Variants in PSD3 observed in about 807,000 individuals in gnomAD.
PSD3 encodes pleckstrin and Sec7 domain containing 3.
In PSD3, 49 loss-of-function variants were observed where a neutral mutation model predicts 105.5. That is an observed-to-expected ratio of 0.46 (90% CI 0.37 to 0.59). The LOEUF is 0.59. Ranked by LOEUF, PSD3 falls within the 20% of genes least tolerant of loss-of-function variation. PSD3 has a pLI of 0.00. For missense variants in PSD3, 1,561 were observed against 1,263.8 expected, an observed-to-expected ratio of 1.24 and a Z score of -3.57; for synonymous variants, 557 against 457.8, an observed-to-expected ratio of 1.22 and a Z score of -2.77.
intron 1 of PSD3, among the ~76,000 whole-genome samples, chr8:18,967,433 C>T (rs554307524): frequency 1.3e-5 from 2 of 152,046 alleles, no homozygotes; most frequent in South Asian, 4.2e-4. Context: ...CGTGAGCCAC[C>T]GCGCCTGGCC....
intron 1 of PSD3, among the ~76,000 whole-genome samples, chr8:18,960,152 C>T (rs867291524): frequency 3.5e-4 from 54 of 152,136 alleles, no homozygotes; most frequent in Admixed American, 7.9e-4. Context: ...CAAGAAAAAC[C>T]GAGTCCCTGT....
chr8:18,953,547 A>G (rs11984816), intron 1 of PSD3, among the ~76,000 whole-genome samples: 111,927 of 151,986 alleles, frequency 0.74, 41,331 homozygotes, highest in Middle Eastern at 0.79. Flanking sequence ...TCAGGAGTTC[A>G]AGACCAGCCT....
intron 1 of PSD3, among the ~76,000 whole-genome samples, chr8:19,054,700 T>G (rs1828649640): frequency 6.6e-6 from 1 of 152,178 alleles, no homozygotes; most frequent in Non-Finnish European, 1.5e-5. Context: ...GTAAAACTAT[T>G]TTGTAAAACT....
chr8:18,642,086 A>T (rs17126961), intron 10 of PSD3, among the ~76,000 whole-genome samples: 16,451 of 152,198 alleles, frequency 0.11, 1,012 homozygotes, highest in African/African-American at 0.18. Context: ...ATGCTGCCAG[A>T]TATGAGAAAG....
At chr8:19,021,193 G>A (rs772627473) in intron 1 of PSD3, among the ~76,000 whole-genome samples, 14 of 152,138 alleles carry the variant, frequency 9.2e-5, no homozygotes, top group Non-Finnish European at 1.8e-4. Flanking sequence ...ACAAAAGAAT[G>A]TTCTTTAATG....
chr8:18,875,029 C>T (rs1224610095), intron 2 of PSD3, among the ~76,000 whole-genome samples: 1 of 152,204 alleles, frequency 6.6e-6, no homozygotes, highest in East Asian at 1.9e-4. Context: ...GATCCTCTCA[C>T]TCCAGCCTCT....
intron 9 of PSD3, among the ~76,000 whole-genome samples, chr8:18,706,857 T>C (rs1287995369): frequency 1.3e-5 from 2 of 152,208 alleles, no homozygotes; most frequent in Non-Finnish European, 2.9e-5. Context: ...AGTTACCTAT[T>C]AGGAAAGAAT....
chr8:18,731,589 G>A (rs1466172318), intron 9 of PSD3, among the ~76,000 whole-genome samples: 1 of 152,144 alleles, frequency 6.6e-6, no homozygotes, highest in African/African-American at 2.4e-5. Flanking sequence ...AATCTTTTAA[G>A]TACAAAAAAC....
intron 8 of PSD3, among the ~76,000 whole-genome samples, chr8:18,773,290 G>C (rs1170378055): frequency 6.6e-6 from 1 of 152,086 alleles, no homozygotes; most frequent in Non-Finnish European, 1.5e-5. Flanking sequence ...CCAATGAGTG[G>C]TCTTAGCACT....
intron 1 of PSD3, among the ~76,000 whole-genome samples, chr8:18,992,464 C>CTATA (rs1312327279): frequency 2.0e-5 from 3 of 152,172 alleles, no homozygotes; most frequent in Non-Finnish European, 4.4e-5. Flanking sequence ...CAGAGAGCCA[C>CTATA]TATATCCTTT....
At chr8:18,855,675 T>C (rs982455631) in intron 4 of PSD3, among the ~76,000 whole-genome samples, 1 of 141,938 alleles carries the variant, frequency 7.0e-6, no homozygotes, top group Non-Finnish European at 1.5e-5. Context: ...CAAGATAGCT[T>C]GTATATGAAG....
chr8:18,563,603 A>G (rs1007282395), intron 14 of PSD3, among the ~76,000 whole-genome samples: 23 of 152,208 alleles, frequency 1.5e-4, no homozygotes, highest in African/African-American at 5.3e-4. Context: ...AGACAGCTTT[A>G]GACCTTAAAC....
chr8:18,841,273 G>A (rs1037200086), intron 4 of PSD3, among the ~76,000 whole-genome samples: 1 of 151,978 alleles, frequency 6.6e-6, no homozygotes, highest in African/African-American at 2.4e-5. Flanking sequence ...GCACTGCGTG[G>A]AAAAAAAGTC....
At chr8:18,618,303 T>C (rs1162639266) in intron 11 of PSD3, among the ~76,000 whole-genome samples, 1 of 151,296 alleles carries the variant, frequency 6.6e-6, no homozygotes, top group Non-Finnish European at 1.5e-5. Flanking sequence ...GCCTATAACT[T>C]TGGTCTCCCA....
chr8:19,068,376 A>G, intron 1 of PSD3, among the ~76,000 whole-genome samples: 1 of 150,896 alleles, frequency 6.6e-6, no homozygotes, highest in East Asian at 2.0e-4. Flanking sequence ...TGTAGCCTCG[A>G]TCTTCAGGGC....
intron 4 of PSD3, among the ~76,000 whole-genome samples, chr8:18,849,105 A>G (rs2129452025): frequency 1.3e-5 from 2 of 152,348 alleles, no homozygotes; most frequent in South Asian, 4.1e-4. Flanking sequence ...AGCAGCATTT[A>G]TACACCTGGC....
chr8:18,704,581 C>G (rs1261079401), intron 9 of PSD3, among the ~76,000 whole-genome samples: 1 of 152,210 alleles, frequency 6.6e-6, no homozygotes, highest in Admixed American at 6.5e-5. Flanking sequence ...ACCTCGTGAT[C>G]TGCCTGCCTC....
At chr8:18,850,670 A>G (rs911063965) in intron 4 of PSD3, among the ~76,000 whole-genome samples, 4 of 152,170 alleles carry the variant, frequency 2.6e-5, no homozygotes, top group Non-Finnish European at 5.9e-5. Flanking sequence ...AGAAGTAGAA[A>G]AGGAAAGATA....
chr8:18,811,274 G>A (rs1811657523), intron 4 of PSD3, among the ~76,000 whole-genome samples: 1 of 152,134 alleles, frequency 6.6e-6, no homozygotes, highest in Non-Finnish European at 1.5e-5. Context: ...AGACTCCAAT[G>A]CTTTACTACT....
Sources: gnomAD v4.1 joint callset for allele counts (sites outside exome capture counted in the v4.1 genomes callset) on GRCh38, gnomAD v4.1.1 for gene constraint, MANE v1.5 for transcripts, NCBI Gene and HGNC (gene_info 2026-07-23, HGNC 2026-07-21) for gene names.